ANGPTL5: variants seen among roughly 807,000 people sequenced by gnomAD.
ANGPTL5 encodes angiopoietin like 5.
Under a neutral mutation model 39.4 loss-of-function variants are expected in ANGPTL5, and 34 were observed. That is an observed-to-expected ratio of 0.86 (90% CI 0.66 to 1.15). ANGPTL5 has a LOEUF of 1.15. Among genes scored for constraint, ANGPTL5 ranks in the 50% most tolerant of loss-of-function variants. The pLI, the probability that ANGPTL5 is intolerant of heterozygous loss-of-function variation, is 0.00. For synonymous variants in ANGPTL5, 146 were observed against 152.1 expected, an observed-to-expected ratio of 0.96 and a Z score of 0.29; for missense variants, 467 against 457.5, an observed-to-expected ratio of 1.02 and a Z score of -0.19.
rs150939424 is a variant in ANGPTL5 at position 101,903,654 on chromosome 11, G to A, written c.440-933C>T. ...CGTCTCTGGGAGACATAGATTTGTT[G>A]TTGCCTGTATCCTTAATTGTTAAGA... On this transcript the variant is annotated intron_variant, in intron 5 of 8. Coordinates refer to ENST00000334289, the MANE Select transcript of ANGPTL5 (RefSeq NM_178127.5). 5.1e-3 allele frequency among the ~76,000 whole-genome samples: 777 copies of A among 152,182 alleles called. 8 individuals are homozygous for A. The highest frequency in any genetic ancestry group is 0.018 in the African/African-American group (745 of 41,542).
intron 3 of ANGPTL5, 122 bp from the exon 4 acceptor site, chr11:101,905,969 T>C (rs1460033800): frequency 2.2e-5 from 14 of 649,966 alleles, no homozygotes; most frequent in East Asian, 5.5e-5. Flanking sequence ...TCTCAATTTA[T>C]CTTAATACTC....
intron 2 of ANGPTL5, 61 bp downstream of exon 2, chr11:101,907,753 A>G (rs1940022780): frequency 9.2e-7 from 1 of 1,087,858 alleles, no homozygotes; most frequent in East Asian, 2.5e-5. Context: ...CAAAATTCTA[A>G]TATATATCTT....
chr11:101,915,684 C>T (rs1488900024), intron 1 of ANGPTL5, among the ~76,000 whole-genome samples: 1 of 152,186 alleles, frequency 6.6e-6, no homozygotes, highest in Non-Finnish European at 1.5e-5. Flanking sequence ...AACACATCAA[C>T]TGTGTATTCT....
At chr11:101,905,598 G>T (rs1474076494) in intron 4 of ANGPTL5, 146 bp downstream of exon 4, 3 of 626,134 alleles carry the variant, frequency 4.8e-6, no homozygotes, top group Admixed American at 2.9e-5. Flanking sequence ...CTTTTTGTTT[G>T]CCTAAAGTTT....
intron 1 of ANGPTL5, 148 bp from the exon 2 acceptor site, chr11:101,908,149 T>C: frequency 2.6e-6 from 1 of 384,514 alleles, no homozygotes; most frequent in Non-Finnish European, 4.8e-6. Flanking sequence ...ACTTCATGTC[T>C]GTATTATAAA....
rs59041644 is a variant in ANGPTL5 at position 101,908,780 on chromosome 11, C to CAAAA, written c.-92-783_-92-780dup. 5.9e-3 allele frequency among the ~76,000 whole-genome samples: 383 copies of CAAAA among 64,952 alleles called. 3 individuals are homozygous for CAAAA. The highest frequency in any genetic ancestry group is 0.017 in the African/African-American group (344 of 20,318). 42.6% of individuals were successfully genotyped at this position (64,952 alleles called of 152,430 possible). ...TGGGCGAAAGAGTGAGACTCCATCT[C>CAAAA]AAAAAAAAAAAAAAAAAAAATTGCA... On this transcript the variant is annotated intron_variant, in intron 1 of 8. Coordinates refer to ENST00000334289, the MANE Select transcript of ANGPTL5 (RefSeq NM_178127.5).
At position 101,904,757 on chromosome 11, in the gene ANGPTL5, G is replaced by A. The variant is rs575839188; in HGVS notation, c.439+57C>T. The stretch of plus-strand genomic sequence containing the variant: ...CTTTTAAATGGATCGACCTGTCCAG[G>A]AAAATTTTAAGCAATAAAAGACAAA... On this transcript the variant is annotated intron_variant, in intron 5 of 8. Coordinates refer to ENST00000334289, the MANE Select transcript of ANGPTL5 (RefSeq NM_178127.5). 3.2e-4 allele frequency: 473 copies of A among 1,471,282 alleles called. 1 individual carries two copies. The African/African-American group carries it at 5.3e-3, about 16-fold the overall frequency. The allele number at this position is 1,471,282 out of a possible 1,614,324, so 91.1% of individuals were successfully genotyped here.
At chr11:101,905,345 A>C (rs900511769) in intron 4 of ANGPTL5, among the ~76,000 whole-genome samples, 4 of 152,002 alleles carry the variant, frequency 2.6e-5, no homozygotes, top group African/African-American at 9.7e-5. Flanking sequence ...CTCACCAGCC[A>C]CTCCACCCTG....
chr11:101,914,870 A>G (rs1437796413), intron 1 of ANGPTL5: 2 of 175,810 alleles, frequency 1.1e-5, no homozygotes, highest in African/African-American at 4.7e-5. Flanking sequence ...CCCTCGCGCA[A>G]CAACCCGGGT....
chr11:101,909,248 A>C (rs1940051264), intron 1 of ANGPTL5, among the ~76,000 whole-genome samples: 1 of 152,174 alleles, frequency 6.6e-6, no homozygotes, highest in Non-Finnish European at 1.5e-5. Flanking sequence ...CATATCTCTT[A>C]TTTGTGGCAA....
intron 3 of ANGPTL5, among the ~76,000 whole-genome samples, chr11:101,906,671 G>A (rs1230791978): frequency 3.9e-5 from 6 of 152,042 alleles, no homozygotes; most frequent in Admixed American, 6.5e-5. Context: ...ACACTATTAC[G>A]TATGTTATTC....
Position 101,891,089 on chromosome 11 carries a change from A to G in ANGPTL5, c.*190T>C, listed in dbSNP as rs1042068776. On this transcript the variant is annotated 3_prime_UTR_variant, in exon 9 of 9. Transcript: ENST00000334289. ...TGTTAATATAGTCAGAAGTAAAAAC[A>G]TACAATAAGCCATGTTTTCTTTTAT... is the stretch of plus-strand genomic sequence containing the variant. 3.9e-6 allele frequency: 2 copies of G among 511,036 alleles called. No homozygotes were observed. The highest frequency in any genetic ancestry group is 3.5e-5 in the Admixed American group (1 of 28,806). The allele number at this position is 511,036 out of a possible 1,614,324, so 31.7% of individuals were successfully genotyped here.
At chr11:101,915,693 C>A (rs1219735699) in intron 1 of ANGPTL5, among the ~76,000 whole-genome samples, 2 of 152,282 alleles carry the variant, frequency 1.3e-5, no homozygotes, top group Non-Finnish European at 2.9e-5. Context: ...ACTGTGTATT[C>A]TGTGGGGATA....
chr11:101,904,698 T>C (rs1229596390), intron 5 of ANGPTL5, 116 bp downstream of exon 5: 5 of 891,074 alleles, frequency 5.6e-6, no homozygotes, highest in East Asian at 2.5e-5. Flanking sequence ...CTCCAGTCTG[T>C]TAGAGAACGG....
intron 3 of ANGPTL5, 72 bp from the exon 4 acceptor site, chr11:101,905,919 AT>A: frequency 1.2e-6 from 1 of 835,486 alleles, no homozygotes; most frequent in Non-Finnish European, 2.0e-6. Flanking sequence ...AAAATAGTGA[AT>A]TTTACCTGAT....
intron 1 of ANGPTL5, chr11:101,914,997 C>A (rs1940165908): frequency 1.1e-5 from 4 of 370,436 alleles, no homozygotes; most frequent in Non-Finnish European, 2.0e-5. Context: ...CCCAGGTTTC[C>A]GTTGTCAAGG....
chr11:101,905,224 C>A (rs569654821), intron 4 of ANGPTL5, among the ~76,000 whole-genome samples: 9 of 152,160 alleles, frequency 5.9e-5, no homozygotes, highest in Non-Finnish European at 1.3e-4. Context: ...ATTGGCCACA[C>A]AAGTTAATCA....
chr11:101,903,618 GT>G (rs1219925446), intron 5 of ANGPTL5, among the ~76,000 whole-genome samples: 4 of 152,070 alleles, frequency 2.6e-5, no homozygotes, highest in African/African-American at 9.7e-5. Flanking sequence ...AAAGTCACTT[GT>G]TTTCCCCTTC....
At chr11:101,894,711 A>G (rs1476283141) in intron 8 of ANGPTL5, among the ~76,000 whole-genome samples, 168 bp downstream of exon 8, 2 of 152,228 alleles carry the variant, frequency 1.3e-5, no homozygotes, top group East Asian at 1.9e-4. Context: ...TACAATGATC[A>G]TAACAAAGTT....
Sources: allele counts gnomAD v4.1 joint callset (sites outside exome capture counted in the v4.1 genomes callset), GRCh38; gene constraint gnomAD v4.1.1; transcripts MANE v1.5; gene names NCBI Gene and HGNC (gene_info 2026-07-23, HGNC 2026-07-21).